The following RAB3B variants were observed in gnomAD, a reference collection of about 807,000 sequenced individuals.
The protein encoded by RAB3B is ras-related protein Rab-3B.
Under a neutral mutation model 20.5 loss-of-function variants are expected in RAB3B, and 11 were observed. The ratio of observed to expected loss-of-function variants is 0.54; its 90% CI spans 0.34 to 0.89. The LOEUF (loss-of-function observed/expected upper bound fraction) is 0.89, where lower values mean the gene tolerates loss of function less well. Ranked by LOEUF, RAB3B falls within the 40% of genes least tolerant of loss-of-function variation. The probability of loss-of-function intolerance (pLI) is 0.02; values close to 1 mark genes in which losing one functional copy is unlikely to be tolerated. For synonymous variants in RAB3B, 99 were observed against 106.3 expected (o/e 0.93, Z 0.42); for missense variants, 225 against 280.9 (o/e 0.80, Z 1.42).
rs907575363 is a variant in RAB3B at position 51,911,856 on chromosome 1, G to A, written c.*8071C>T. 29 of 152,098 alleles carry A rather than the reference G, an allele frequency of 1.9e-4. No individual in the cohort carries two copies. Among genetic ancestry groups the A allele is most frequent in the African/African-American group, 6.5e-4 (27 of 41,414 alleles). 9.4% of individuals were successfully genotyped at this position (152,098 alleles called of 1,614,324 possible). On this transcript the variant is annotated 3_prime_UTR_variant, in exon 5 of 5. Transcript: ENST00000371655. ...TGGGCCCTGCTTGATCACATGCTCC[G>A]TTTATTGACAGTCTTCACTAGAATC...
Position 51,977,466 on chromosome 1 carries a change from C to T in RAB3B, c.1-349G>A, listed in dbSNP as rs1403360898. 3.9e-5 allele frequency among the ~76,000 whole-genome samples: 6 copies of T among 152,086 alleles called. No individual in the cohort carries two copies. The East Asian group carries it at 1.2e-3, about 29-fold the overall frequency. ...TAAAAGGTGGGTCAACACAGAGTAA[C>T]AAAGCAGTAGATAAGTGATAAGACA... is the stretch of plus-strand genomic sequence containing the variant. On this transcript the variant is annotated intron_variant, in intron 1 of 4. Transcript: ENST00000371655.
At chr1:51,979,761 C>T (rs992761733) in intron 1 of RAB3B, among the ~76,000 whole-genome samples, 3 of 151,878 alleles carry the variant, frequency 2.0e-5, no homozygotes, top group Non-Finnish European at 4.4e-5. Flanking sequence ...AATTAACTGA[C>T]GGCTGGGCAC....
Position 51,963,612 on chromosome 1 carries a change from T to C in RAB3B, c.228+13278A>G, listed in dbSNP as rs143786093. Among the ~76,000 whole-genome samples the C allele has an allele frequency of 5.5e-4, 83 of 152,248 alleles. 1 individual carries two copies. In the East Asian group the frequency reaches 0.013, roughly 24 times the overall value. Reference sequence around the variant, plus strand: ...AATTACATTTCCACAGTCTATTCACTCTCCCACCTTCCTAAATGACATTCT... The same window carrying C: ...AATTACATTTCCACAGTCTATTCACCCTCCCACCTTCCTAAATGACATTCT... On this transcript the variant is annotated intron_variant, in intron 2 of 4. Coordinates refer to ENST00000371655, the MANE Select transcript of RAB3B (RefSeq NM_002867.4).
At chr1:51,923,714 C>CA (rs56771506) in intron 4 of RAB3B, among the ~76,000 whole-genome samples, 14,892 of 74,218 alleles carry the variant, frequency 0.2, 1,909 homozygotes, top group African/African-American at 0.42. Flanking sequence ...GACTCTGTCT[C>CA]AAAAAAAAAA....
chr1:51,930,803 G>T (rs1183434167), intron 4 of RAB3B, among the ~76,000 whole-genome samples: 4 of 152,072 alleles, frequency 2.6e-5, no homozygotes, highest in Non-Finnish European at 5.9e-5. Flanking sequence ...ATCACCTGAG[G>T]TCAGGAGTTC....
rs12033550 is a variant in RAB3B, at chr1:51,912,556, T to C, written c.*7371A>G. The C allele has an allele frequency of 2.2e-5, 1 of 44,504 alleles. No individual in the cohort carries two copies. Among genetic ancestry groups the C allele is most frequent in the Non-Finnish European group, 3.7e-5 (1 of 26,740 alleles). The allele number at this position is 44,504 out of a possible 1,614,324, so 2.8% of individuals were successfully genotyped here. ...ACCGTCTCTATTAAAAAAAAAAAAA[T>C]ATATATATATATATATATATATATA... On this transcript the variant is annotated 3_prime_UTR_variant, in exon 5 of 5. Transcript: ENST00000371655.
At chr1:51,984,004 C>A (rs1201289404) in intron 1 of RAB3B, among the ~76,000 whole-genome samples, 1 of 151,746 alleles carries the variant, frequency 6.6e-6, no homozygotes, top group Non-Finnish European at 1.5e-5. Context: ...GTGGCTCATG[C>A]CTGTAATCCC....
chr1:51,959,367 C>A (rs1684755140), intron 2 of RAB3B, among the ~76,000 whole-genome samples: 1 of 152,028 alleles, frequency 6.6e-6, no homozygotes, highest in Admixed American at 6.6e-5. Flanking sequence ...AAAAAATTAG[C>A]CGGGTGTGGT....
chr1:51,964,824 A>G (rs1442643188), intron 2 of RAB3B, among the ~76,000 whole-genome samples: 1 of 152,208 alleles, frequency 6.6e-6, no homozygotes, highest in East Asian at 1.9e-4. Flanking sequence ...CATCATTCCC[A>G]GCCTCAATTG....
intron 4 of RAB3B, among the ~76,000 whole-genome samples, chr1:51,931,183 A>C (rs1684318194): frequency 6.6e-6 from 1 of 152,128 alleles, no homozygotes; most frequent in Admixed American, 6.5e-5. Context: ...CCATCCAGTG[A>C]TTTATGGTTC....
intron 2 of RAB3B, among the ~76,000 whole-genome samples, chr1:51,941,433 G>A (rs1557967305): frequency 6.6e-6 from 1 of 152,204 alleles, no homozygotes; most frequent in African/African-American, 2.4e-5. Context: ...CAGGAAGGCT[G>A]GTTAGAAGAT....
intron 2 of RAB3B, among the ~76,000 whole-genome samples, chr1:51,959,644 G>A (rs1684759816): frequency 6.9e-6 from 1 of 145,734 alleles, no homozygotes; most frequent in African/African-American, 2.6e-5. Flanking sequence ...AAGGAGACAC[G>A]ACAATTCAGA....
At position 51,933,361 on chromosome 1, in the gene RAB3B, C is replaced by G; in HGVS notation, c.429G>C (p.Arg143Ser). The G allele has an allele frequency of 6.2e-7, 1 of 1,613,990 alleles. No individual in the cohort carries two copies. The highest frequency in any genetic ancestry group is 8.5e-7 in the Non-Finnish European group (1 of 1,179,966). Reference protein sequence around the residue: ...VGNKCDMEEERVVPTEKGQLL... With the variant: ...VGNKCDMEEESVVPTEKGQLL... ...GCTGGCCCTTCTCAGTGGGAACAAC[C>G]CTCTCTTCCTCCATGTCACACTTGT... Residue 143 changes from arginine (R) to serine (S), a missense_variant, in exon 4 of 5, where the codon AGG (arginine) becomes AGC (serine). By Grantham distance (110) the Arg-to-Ser change is moderately radical. Transcript: ENST00000371655.
At chr1:51,980,429 CAA>C (rs374673437) in intron 1 of RAB3B, 1,939 of 380,574 alleles carry the variant, frequency 5.1e-3, no homozygotes, top group South Asian at 6.7e-3. Flanking sequence ...CTGTCTCTAC[CAA>C]AAAAAAAAAA....
intron 4 of RAB3B, among the ~76,000 whole-genome samples, chr1:51,921,786 C>G (rs933485919): frequency 1.2e-4 from 19 of 152,200 alleles, no homozygotes; most frequent in African/African-American, 4.3e-4. Context: ...TCTGTTCTTT[C>G]AACTTGTTCC....
chr1:51,923,481 C>T (rs1208334370), intron 4 of RAB3B, among the ~76,000 whole-genome samples: 4 of 151,978 alleles, frequency 2.6e-5, no homozygotes, highest in Non-Finnish European at 4.4e-5. Flanking sequence ...TTTGGGAGGC[C>T]GAGGTGGGTG....
intron 2 of RAB3B, among the ~76,000 whole-genome samples, chr1:51,958,821 T>C (rs1684746912): frequency 6.6e-6 from 1 of 151,066 alleles, no homozygotes; most frequent in African/African-American, 2.4e-5. Context: ...GCAGAACTGA[T>C]AGGGGTGGGG....
chr1:51,920,613 G>A (rs1461934918), intron 4 of RAB3B, among the ~76,000 whole-genome samples: 1 of 152,160 alleles, frequency 6.6e-6, no homozygotes, highest in Non-Finnish European at 1.5e-5. Context: ...TGAGGAAGGA[G>A]TCTCAGTCAG....
intron 4 of RAB3B, among the ~76,000 whole-genome samples, chr1:51,928,462 G>A (rs1684277933): frequency 1.3e-5 from 2 of 152,220 alleles, no homozygotes; most frequent in Admixed American, 1.3e-4. Flanking sequence ...GACTGAGAGA[G>A]CTGAGAAAAG....
Sources: gnomAD v4.1 joint callset for allele counts (sites outside exome capture counted in the v4.1 genomes callset) on GRCh38, gnomAD v4.1.1 for gene constraint, MANE v1.5 for transcripts, NCBI Gene and HGNC (gene_info 2026-07-23, HGNC 2026-07-21) for gene names.